COL14A1: variants seen among roughly 807,000 people sequenced by gnomAD.
The protein encoded by COL14A1 is collagen type XIV alpha 1 chain.
In COL14A1, 136 loss-of-function variants were observed where a neutral mutation model predicts 230.3. The ratio of observed to expected loss-of-function variants is 0.59; its 90% CI spans 0.51 to 0.68. COL14A1 has a LOEUF of 0.68. Ranked by LOEUF, COL14A1 falls within the 30% of genes least tolerant of loss-of-function variation. The probability of loss-of-function intolerance (pLI) is 0.00; values close to 1 mark genes in which losing one functional copy is unlikely to be tolerated. For missense variants in COL14A1, 1,976 were observed against 2,215.8 expected (o/e 0.89, Z 2.17); for synonymous variants, 792 against 784.1 (o/e 1.01, Z -0.17).
At chr8:120,207,172 T>C in intron 10 of COL14A1, 78 bp downstream of exon 10, 2 of 1,197,716 alleles carry the variant, frequency 1.7e-6, no homozygotes, top group Non-Finnish European at 2.3e-6. Flanking sequence ...AAGGCAGAAA[T>C]ATAAATATAA....
rs762557897 is a variant in COL14A1, at chr8:120,255,330, A to C, written c.2843A>C (p.Tyr948Ser). ...CAGGTACATCGCCATGCCACAGCCT[A>C]TAGGGTTGTTATAGAATCCCTCCAG... ...HWQVHRHATA[Y>S]RVVIESLQDR... Residue 948 changes from tyrosine (Y) to serine (S), a missense_variant, in exon 23 of 48, where the codon TAT (tyrosine) becomes TCT (serine). This residue lies in a region of COL14A1 where 1,791 missense variants were observed against 2,019.5 expected (regional missense o/e 0.89). Coordinates refer to ENST00000297848, the MANE Select transcript of COL14A1 (RefSeq NM_021110.4). 4.6e-5 allele frequency: 74 copies of C among 1,613,546 alleles called. No individual in the cohort carries two copies. Among genetic ancestry groups the C allele is most frequent in the Middle Eastern group, 3.3e-4 (2 of 6,084 alleles).
chr8:120,353,740 A>C (rs973016268), intron 45 of COL14A1, among the ~76,000 whole-genome samples: 18 of 151,028 alleles, frequency 1.2e-4, no homozygotes, highest in Non-Finnish European at 1.9e-4. Context: ...GTCAGGAAAC[A>C]ACAGGTGCTG....
intron 21 of COL14A1, among the ~76,000 whole-genome samples, chr8:120,249,051 C>T (rs1422541282): frequency 6.7e-6 from 1 of 148,712 alleles, no homozygotes; most frequent in Non-Finnish European, 1.5e-5. Flanking sequence ...TCAGCTTCTC[C>T]GAGTAGCTGG....
At chr8:120,162,082 A>T (rs1312190722) in intron 3 of COL14A1, among the ~76,000 whole-genome samples, 4 of 152,230 alleles carry the variant, frequency 2.6e-5, no homozygotes, top group Non-Finnish European at 4.4e-5. Context: ...GTAGTGTGTT[A>T]TGATGAAATA....
intron 26 of COL14A1, among the ~76,000 whole-genome samples, chr8:120,273,912 C>A (rs755673740): frequency 5.9e-5 from 9 of 151,356 alleles, no homozygotes; most frequent in Non-Finnish European, 8.9e-5. Context: ...TTGGTGCAAA[C>A]CACAACTACT....
chr8:120,317,584 C>T lies in COL14A1; in HGVS notation c.4659+1587C>T, dbSNP rs112072065. ...GTGTGGTTACACACCTGGATTCCTTCGTGATTCCTGAAGTTCTGAAAATGG... is the reference window on the plus strand; with the variant it reads ...GTGTGGTTACACACCTGGATTCCTTTGTGATTCCTGAAGTTCTGAAAATGG... On this transcript the variant is annotated intron_variant, in intron 40 of 47. Transcript: ENST00000297848. Among the ~76,000 whole-genome samples the T allele has an allele frequency of 1.6e-3, 247 of 152,286 alleles. 2 individuals are homozygous for T. The highest frequency in any genetic ancestry group is 0.01 in the Middle Eastern group (3 of 292).
At chr8:120,256,324 A>G (rs188950119) in intron 23 of COL14A1, among the ~76,000 whole-genome samples, 4 of 152,348 alleles carry the variant, frequency 2.6e-5, no homozygotes, top group South Asian at 2.1e-4. Flanking sequence ...GACTATAGCT[A>G]TATTCAAAAT....
chr8:120,193,146 T>A (rs975977299), intron 5 of COL14A1, among the ~76,000 whole-genome samples: 5 of 152,234 alleles, frequency 3.3e-5, no homozygotes, highest in Admixed American at 3.3e-4. Flanking sequence ...TTCCAGTTTT[T>A]CTGCTCTGTT....
chr8:120,186,641 A>G (rs1025718966), intron 5 of COL14A1, among the ~76,000 whole-genome samples: 3 of 152,198 alleles, frequency 2.0e-5, no homozygotes, highest in African/African-American at 7.2e-5. Context: ...TGATTCCTAA[A>G]TAACTGTAAT....
chr8:120,335,143 C>A (rs1822009410), intron 42 of COL14A1, among the ~76,000 whole-genome samples: 1 of 152,092 alleles, frequency 6.6e-6, no homozygotes. Flanking sequence ...GGAGAGTTGA[C>A]ATGGGGCGTG....
Position 120,197,871 on chromosome 8 carries a change from A to C in COL14A1, c.653A>C (p.Lys218Thr). 1 of 1,613,794 alleles carries C rather than the reference A, an allele frequency of 6.2e-7. No individual in the cohort carries two copies. Among genetic ancestry groups the C allele is most frequent in the Admixed American group, 1.7e-5 (1 of 60,004 alleles). ...TGGCACTTGAATGCATTTAGCACAA[A>C]AGATGAAGTGATTGAAGCTGTCCGA... ...IEWHLNAFST[K>T]DEVIEAVRNL... Residue 218 changes from lysine to threonine, a missense_variant, in exon 7 of 48, where the codon AAA becomes ACA. Lys to Thr is a moderately conservative substitution (Grantham distance 78). Transcript: ENST00000297848.
At chr8:120,206,103 G>A (rs1370467854) in intron 9 of COL14A1, among the ~76,000 whole-genome samples, 2 of 151,972 alleles carry the variant, frequency 1.3e-5, no homozygotes, top group Non-Finnish European at 2.9e-5. Flanking sequence ...GAAATTTTTA[G>A]TATAGAGCCT....
chr8:120,130,300 G>A (rs1814485205), intron 1 of COL14A1, among the ~76,000 whole-genome samples: 1 of 152,190 alleles, frequency 6.6e-6, no homozygotes, highest in South Asian at 2.1e-4. Context: ...TCATAGACCA[G>A]CTACTTTGAG....
Position 120,367,237 on chromosome 8 carries a change from C to G in COL14A1, c.5144C>G (p.Pro1715Arg). 6.2e-7 allele frequency: 1 copy of G among 1,610,242 alleles called. No homozygotes were observed. Among genetic ancestry groups the G allele is most frequent in the Non-Finnish European group, 8.5e-7 (1 of 1,178,714 alleles). The stretch of plus-strand genomic sequence containing the variant: ...GGAACCCAAGGTCCAAGAGGCCCCC[C>G]TGGACCAGCAGGTAAATCTTCCTTC... ...GVGTQGPRGP[P>R]GPAGPSGESR... The change falls in exon 46 of 48, where the codon CCT (proline) becomes CGT (arginine). Residue 1715 changes from proline (P) to arginine (R), a missense_variant. Pro to Arg is a moderately radical substitution (Grantham distance 103, BLOSUM62 -2). Around this residue, in one of 3 missense-constraint regions of COL14A1, gnomAD observed 1,791 missense variants for 2,019.5 expected, o/e 0.89. Transcript: ENST00000297848.
chr8:120,369,840 T>G (rs1391777285), intron 47 of COL14A1, among the ~76,000 whole-genome samples: 1 of 152,184 alleles, frequency 6.6e-6, no homozygotes, highest in Non-Finnish European at 1.5e-5. Flanking sequence ...ACAGCTGTGA[T>G]GTGGCCAAGA....
rs116183993 is a variant in COL14A1, at chr8:120,210,297, A to C, written c.1467+396A>C. Among the ~76,000 whole-genome samples the C allele has an allele frequency of 8.8e-3, 1,346 of 152,302 alleles. 17 individuals are homozygous for C. The highest frequency in any genetic ancestry group is 0.031 in the African/African-American group (1,284 of 41,566). On this transcript the variant is annotated intron_variant, in intron 12 of 47. Transcript: ENST00000297848. ...TGCTATATAAATAATGCTTTTGTGA[A>C]TATTCCTAACATATGTTTTTGCATA... is the stretch of plus-strand genomic sequence containing the variant.
At chr8:120,356,295 G>A (rs1346572111) in intron 45 of COL14A1, among the ~76,000 whole-genome samples, 2 of 152,190 alleles carry the variant, frequency 1.3e-5, no homozygotes, top group Admixed American at 6.5e-5. Flanking sequence ...GGAAACTGAG[G>A]CTCTGCTAGA....
chr8:120,155,059 C>G (rs1815421514), intron 2 of COL14A1, among the ~76,000 whole-genome samples: 1 of 152,086 alleles, frequency 6.6e-6, no homozygotes, highest in South Asian at 2.1e-4. Context: ...ACCCTAAAGG[C>G]AAAAACCTAA....
chr8:120,192,186 G>T (rs1292761129), intron 5 of COL14A1, among the ~76,000 whole-genome samples: 2 of 152,164 alleles, frequency 1.3e-5, no homozygotes, highest in South Asian at 2.1e-4. Context: ...GCTGGTACCG[G>T]TTGTTCCTTT....
Sources: allele counts gnomAD v4.1 joint callset (sites outside exome capture counted in the v4.1 genomes callset), GRCh38; gene constraint gnomAD v4.1.1; regional missense constraint gnomAD v4.1.1; transcripts MANE v1.5; gene names NCBI Gene and HGNC (gene_info 2026-07-23, HGNC 2026-07-21).